Variants in YEATS4 observed in about 807,000 individuals in gnomAD.
The protein encoded by YEATS4 is YEATS domain containing 4, also known as YEATS domain-containing protein 4.
Under a neutral mutation model 30.1 loss-of-function variants are expected in YEATS4, and 17 were observed. The ratio of observed to expected loss-of-function variants is 0.56; its 90% CI spans 0.39 to 0.85. The LOEUF (loss-of-function observed/expected upper bound fraction) is 0.85, where lower values mean the gene tolerates loss of function less well. YEATS4 is among the 40% of genes least tolerant of loss of function. The pLI is 0.00. For synonymous variants in YEATS4, 85 were observed against 87.5 expected, an observed-to-expected ratio of 0.97 and a Z score of 0.16; for missense variants, 142 against 268.3, an observed-to-expected ratio of 0.53 and a Z score of 3.29.
the YEATS4 span, among the ~76,000 whole-genome samples, chr12:69,424,894 AG>A: frequency 1.3e-5 from 2 of 152,120 alleles, no homozygotes; most frequent in Non-Finnish European, 2.9e-5. Context: ...ACAAAGTCCC[AG>A]GGTCTTAGTA....
the YEATS4 span, chr12:69,422,674 G>T: frequency 8.0e-6 from 1 of 124,310 alleles, no homozygotes; most frequent in South Asian, 2.9e-4. Flanking sequence ...AAGAAAAGAA[G>T]AAACTGATTG....
At chr12:69,395,937 CTCTGA>C in the YEATS4 span, among the ~76,000 whole-genome samples, 6 of 152,294 alleles carry the variant, frequency 3.9e-5, no homozygotes, top group East Asian at 1.2e-3. Flanking sequence ...AGCCTGGACT[CTCTGA>C]TCTGGCTTTT....
intron 2 of YEATS4, among the ~76,000 whole-genome samples, chr12:69,364,659 G>T (rs1875358604): frequency 6.6e-6 from 1 of 152,054 alleles, no homozygotes; most frequent in African/African-American, 2.4e-5. Flanking sequence ...CTCTCTTATT[G>T]CCCTGGCTGG....
chr12:69,404,463 A>G, the YEATS4 span, among the ~76,000 whole-genome samples: 1 of 152,070 alleles, frequency 6.6e-6, no homozygotes, highest in South Asian at 2.1e-4. Context: ...TGGGTTAGTT[A>G]TTGTGGGAGT....
chr12:69,426,335 A>G, the YEATS4 span, among the ~76,000 whole-genome samples: 4 of 151,756 alleles, frequency 2.6e-5, no homozygotes, highest in African/African-American at 9.7e-5. Context: ...CTCAGAATCC[A>G]TTTTCTTGTT....
chr12:69,394,496 C>A (rs1002702858), downstream of YEATS4, among the ~76,000 whole-genome samples: 1 of 152,082 alleles, frequency 6.6e-6, no homozygotes, highest in Non-Finnish European at 1.5e-5. Flanking sequence ...ATTTAAATAG[C>A]AAATATTTCT....
chr12:69,411,157 G>C, the YEATS4 span, among the ~76,000 whole-genome samples: 1 of 152,058 alleles, frequency 6.6e-6, no homozygotes, highest in Non-Finnish European at 1.5e-5. Flanking sequence ...TGAGATAGAG[G>C]CTCACTGTGT....
chr12:69,378,573 A>G (rs1310861679), intron 6 of YEATS4, among the ~76,000 whole-genome samples: 1 of 152,098 alleles, frequency 6.6e-6, no homozygotes, highest in Non-Finnish European at 1.5e-5. Context: ...GAAGCTTGCA[A>G]ATAATATCCT....
chr12:69,406,748 T>C, the YEATS4 span, among the ~76,000 whole-genome samples: 1 of 152,212 alleles, frequency 6.6e-6, no homozygotes. Flanking sequence ...TATTAGTCCA[T>C]TCTATGATTA....
the YEATS4 span, among the ~76,000 whole-genome samples, chr12:69,397,068 G>T: frequency 6.6e-6 from 1 of 152,092 alleles, no homozygotes; most frequent in African/African-American, 2.4e-5. Context: ...AATAATGCTG[G>T]CCATCTGCTA....
the YEATS4 span, among the ~76,000 whole-genome samples, chr12:69,405,859 C>T: frequency 6.6e-6 from 1 of 152,202 alleles, no homozygotes; most frequent in Non-Finnish European, 1.5e-5. Context: ...GAAAGCAAAA[C>T]CGTGAATACG....
chr12:69,405,185 AC>A, the YEATS4 span, among the ~76,000 whole-genome samples: 1 of 152,224 alleles, frequency 6.6e-6, no homozygotes. Context: ...AGTAGTTCCC[AC>A]CCTTATCTGT....
chr12:69,375,285 C>CT (rs1875817428), intron 6 of YEATS4, among the ~76,000 whole-genome samples: 1 of 149,984 alleles, frequency 6.7e-6, no homozygotes, highest in African/African-American at 2.5e-5. Flanking sequence ...CGGGCAGAGG[C>CT]GCTCTTCACA....
At chr12:69,418,911 C>T in the YEATS4 span, among the ~76,000 whole-genome samples, 2 of 150,526 alleles carry the variant, frequency 1.3e-5, no homozygotes, top group Non-Finnish European at 3.0e-5. Flanking sequence ...TAGTGAGACC[C>T]CATCTCCTAA....
At chr12:69,414,780 G>C in the YEATS4 span, among the ~76,000 whole-genome samples, 1 of 152,176 alleles carries the variant, frequency 6.6e-6, no homozygotes, top group East Asian at 1.9e-4. Context: ...AAAGTGCCTA[G>C]ACTTTGAAGC....
At chr12:69,387,755 C>A (rs1868269005) in intron 6 of YEATS4, among the ~76,000 whole-genome samples, 1 of 152,164 alleles carries the variant, frequency 6.6e-6, no homozygotes, top group African/African-American at 2.4e-5. Flanking sequence ...TATCAGCAGA[C>A]TATTTCTGGG....
intron 6 of YEATS4, among the ~76,000 whole-genome samples, chr12:69,379,549 A>AC (rs1185788990): frequency 7.1e-6 from 1 of 141,034 alleles, no homozygotes; most frequent in Non-Finnish European, 1.5e-5. Flanking sequence ...AGTAGCTGGG[A>AC]CCCACAGGCA....
chr12:69,378,762 C>T (rs896068381), intron 6 of YEATS4, among the ~76,000 whole-genome samples: 4 of 152,048 alleles, frequency 2.6e-5, no homozygotes, highest in South Asian at 2.1e-4. Context: ...TATTTTTGAT[C>T]GGTTCATCTT....
chr12:69,417,143 A>AT, the YEATS4 span, among the ~76,000 whole-genome samples: 358 of 141,962 alleles, frequency 2.5e-3, 10 homozygotes, highest in African/African-American at 8.9e-3. Context: ...TGGCTTAAAC[A>AT]TTTTTTAAAA....
Sources: allele counts gnomAD v4.1 joint callset (sites outside exome capture counted in the v4.1 genomes callset), GRCh38; gene constraint gnomAD v4.1.1; transcripts MANE v1.5; gene names NCBI Gene and HGNC (gene_info 2026-07-23, HGNC 2026-07-21).